Variants in SLC45A3 observed in about 807,000 individuals in gnomAD.
SLC45A3 encodes prostate cancer associated protein 2.
SLC45A3 carries 17 observed loss-of-function variants against 35.3 expected under a neutral mutation model. The ratio of observed to expected loss-of-function variants is 0.48; its 90% CI spans 0.33 to 0.72. The LOEUF (loss-of-function observed/expected upper bound fraction) is 0.72. Ranked by LOEUF, SLC45A3 falls within the 30% of genes least tolerant of loss-of-function variation. SLC45A3 has a pLI of 0.02. For synonymous variants in SLC45A3, 288 were observed against 334.3 expected, an observed-to-expected ratio of 0.86 and a Z score of 1.51; for missense variants, 597 against 731.7, an observed-to-expected ratio of 0.82 and a Z score of 2.12.
At chr1:205,675,216 T>C (rs1277024300) in intron 1 of SLC45A3, among the ~76,000 whole-genome samples, 1 of 152,230 alleles carries the variant, frequency 6.6e-6, no homozygotes, top group East Asian at 1.9e-4. Flanking sequence ...GAGGGCCTTA[T>C]GACCTACTAT....
chr1:205,660,389 C>T (rs1670998152), intron 4 of SLC45A3, among the ~76,000 whole-genome samples: 1 of 152,174 alleles, frequency 6.6e-6, no homozygotes, highest in Non-Finnish European at 1.5e-5. Context: ...CAACCCCTGC[C>T]CTTGATGGCC....
intron 4 of SLC45A3, among the ~76,000 whole-genome samples, chr1:205,661,108 AG>A (rs1671014789): frequency 6.6e-6 from 1 of 152,182 alleles, no homozygotes; most frequent in East Asian, 1.9e-4. Flanking sequence ...TTTGTAGCTC[AG>A]TGAGGTCAGT....
At position 205,663,613 on chromosome 1, in the gene SLC45A3, C is replaced by G; in HGVS notation, c.178G>C (p.Gly60Arg). ...EKFMTMVLGI[G>R]PVLGLVCVPL... The stretch of plus-strand genomic sequence containing the variant: ...ACACAGACCAGGCCCAGCACTGGAC[C>G]AATGCCTGCAAGAAGGGAAGTAGTA... Residue 60 changes from glycine (G) to arginine (R), a missense_variant, in exon 3 of 5, where the codon GGT becomes CGT. Coordinates refer to ENST00000367145, the MANE Select transcript of SLC45A3 (RefSeq NM_033102.3). 1 of 1,568,362 alleles carries G rather than the reference C, an allele frequency of 6.4e-7. No individual in the cohort carries two copies. Among genetic ancestry groups the G allele is most frequent in the Non-Finnish European group, 8.6e-7 (1 of 1,159,770 alleles).
rs958147668 is a variant in SLC45A3 at position 205,658,124 on chromosome 1, C to T, written c.*1110G>A. ...TTGTGCTTCTGGTCCTGCAGTAGCTCCAAACAGGGTTGTGGAGCTGGTGGG... is the reference window on the plus strand; with the variant it reads ...TTGTGCTTCTGGTCCTGCAGTAGCTTCAAACAGGGTTGTGGAGCTGGTGGG... On this transcript the variant is annotated 3_prime_UTR_variant, in exon 5 of 5. Coordinates refer to ENST00000367145, the MANE Select transcript of SLC45A3 (RefSeq NM_033102.3). 3.1e-5 allele frequency: 7 copies of T among 223,724 alleles called. No homozygotes were observed. The highest frequency in any genetic ancestry group is 1.7e-4 in the African/African-American group (7 of 41,898). The allele number at this position is 223,724 out of a possible 1,614,324, so 13.9% of individuals were successfully genotyped here. A position where few individuals can be genotyped will look rare whatever the true frequency, so the allele number is the denominator to read the frequency against.
In SLC45A3 at chr1:205,662,083, G is replaced by T; in HGVS notation, c.1002C>A (p.Ile334=). The part of the protein sequence containing the change: ...GSLGLFLQCA[I]SLVFSLVMDR... The stretch of plus-strand genomic sequence containing the variant: ...CCATGACCAGAGAGAAGACCAGGGA[G>T]ATGGCGCACTGCAGGAACAGCCCCA... The change falls in exon 4 of 5, where the codon ATC becomes ATA. Residue 334 remains isoleucine, a synonymous_variant. Coordinates refer to ENST00000367145, the MANE Select transcript of SLC45A3 (RefSeq NM_033102.3). This position sits in a 1 kb window ranked among gnomAD's most constrained non-coding sequence, Gnocchi z 6.2. 1 of 1,614,046 alleles carries T rather than the reference G, an allele frequency of 6.2e-7. No homozygotes were observed. The highest frequency in any genetic ancestry group is 8.5e-7 in the Non-Finnish European group (1 of 1,180,014).
Position 205,666,025 on chromosome 1 carries a change from T to C in SLC45A3, c.-230-1139A>G, listed in dbSNP as rs757964742. On this transcript the variant is annotated intron_variant, in intron 1 of 4. Coordinates refer to ENST00000367145, the MANE Select transcript of SLC45A3 (RefSeq NM_033102.3). The surrounding 1 kb of genome is among the most constrained non-coding windows in gnomAD (Gnocchi z 4.1). Reference sequence around the variant, plus strand: ...GGTGAAACCCCATCTCTGCTAAAAATACAAAAATTAGCCAGGCATGGTGGC... The same window carrying C: ...GGTGAAACCCCATCTCTGCTAAAAACACAAAAATTAGCCAGGCATGGTGGC... Among the ~76,000 whole-genome samples the C allele has an allele frequency of 3.3e-5, 5 of 151,686 alleles. No homozygotes were observed. Among genetic ancestry groups the C allele is most frequent in the East Asian group, 1.9e-4 (1 of 5,170 alleles).
Position 205,659,585 on chromosome 1 carries a change from A to G in SLC45A3, c.1311T>C (p.Pro437=). The part of the protein sequence containing the change: ...LMTSFLPGPK[P]GAPFPNGHVG... Reference sequence around the variant, plus strand: ...CGTGTCCATTAGGGAAGGGAGCTCCAGGCTTAGGGCCTGGCAGGAAGCTGG... The same window carrying G: ...CGTGTCCATTAGGGAAGGGAGCTCCGGGCTTAGGGCCTGGCAGGAAGCTGG... The change falls in exon 5 of 5, where the codon CCT becomes CCC. Residue 437 remains proline, a synonymous_variant. Transcript: ENST00000367145. The surrounding 1 kb of genome is among the most constrained non-coding windows in gnomAD (Gnocchi z 5.8). 1 of 1,583,880 alleles carries G rather than the reference A, an allele frequency of 6.3e-7. No individual in the cohort carries two copies. Among genetic ancestry groups the G allele is most frequent in the Admixed American group, 1.8e-5 (1 of 56,242 alleles).
In SLC45A3 at chr1:205,664,739, C is replaced by T. The variant is rs147344397; in HGVS notation, c.-83G>A. 28,503 of 1,534,004 alleles carry T rather than the reference C, an allele frequency of 0.019. 331 individuals carry two copies. Among genetic ancestry groups the T allele is most frequent in the Middle Eastern group, 0.022 (93 of 4,204 alleles). ...CTCGGCTCTGCTCCAGAAGCTGCGG[C>T]CTCTCCTCCTTGCTGCCGCCAACTG... On this transcript the variant is annotated 5_prime_UTR_variant, in exon 2 of 5. Transcript: ENST00000367145. This position sits in a 1 kb window ranked among gnomAD's most constrained non-coding sequence, Gnocchi z 5.3.
Position 205,662,497 on chromosome 1 carries a change from G to C in SLC45A3, c.958+336C>G. On this transcript the variant is annotated intron_variant, in intron 3 of 4. Coordinates refer to ENST00000367145, the MANE Select transcript of SLC45A3 (RefSeq NM_033102.3). This position sits in a 1 kb window ranked among gnomAD's most constrained non-coding sequence, Gnocchi z 6.2. ...GAGATTATTTGGAAAGTCGTTGGGGGAGCAGAGGGCACACTGCGGCTGGAA... is the reference window on the plus strand; with the variant it reads ...GAGATTATTTGGAAAGTCGTTGGGGCAGCAGAGGGCACACTGCGGCTGGAA... 1 of 1,287,378 alleles carries C rather than the reference G, an allele frequency of 7.8e-7. No individual in the cohort carries two copies. The highest frequency in any genetic ancestry group is 9.8e-7 in the Non-Finnish European group (1 of 1,018,220). The allele number at this position is 1,287,378 out of a possible 1,614,324, so 79.7% of individuals were successfully genotyped here. A position where few individuals can be genotyped will look rare whatever the true frequency, so the allele number is the denominator to read the frequency against.
At position 205,664,475 on chromosome 1, in the gene SLC45A3, AG is replaced by A; in HGVS notation, c.172+9del. 1 of 1,613,670 alleles carries A rather than the reference AG, an allele frequency of 6.2e-7. No individual in the cohort carries two copies. Among genetic ancestry groups the A allele is most frequent in the African/African-American group, 1.3e-5 (1 of 75,046 alleles). On this transcript the variant is annotated intron_variant, in intron 2 of 4. Transcript: ENST00000367145. The surrounding 1 kb of genome is among the most constrained non-coding windows in gnomAD (Gnocchi z 5.3). The stretch of plus-strand genomic sequence containing the variant: ...CTGGAACAGGAAGGAAGGAGGATGT[AG>A]TGACTCACCCAGCACCATGGTCATG...
rs1363885686 is a variant in SLC45A3, at chr1:205,659,457, G to T, written c.1439C>A (p.Ala480Asp). The T allele has an allele frequency of 6.2e-7, 1 of 1,614,094 alleles. No homozygotes were observed. The highest frequency in any genetic ancestry group is 8.5e-7 in the Non-Finnish European group (1 of 1,179,994). The change falls in exon 5 of 5, where the codon GCC (alanine) becomes GAC (aspartate). Residue 480 changes from alanine to aspartate, a missense_variant. By Grantham distance (126) the Ala-to-Asp change is moderately radical. Transcript: ENST00000367145. This position sits in a 1 kb window ranked among gnomAD's most constrained non-coding sequence, Gnocchi z 5.8. ...GATGCCCCGGCCCGGAACCACCCTG[G>T]CCTCGGTGGGCTCACCCACCACCAC... ...VRVVVGEPTE[A>D]RVVPGRGICL...
chr1:205,659,488 C>T lies in SLC45A3; in HGVS notation c.1408G>A (p.Val470Ile), dbSNP rs137949511. 12,835 of 1,613,828 alleles carry T rather than the reference C, an allele frequency of 8.0e-3. 74 individuals are homozygous for T. The highest frequency in any genetic ancestry group is 0.013 in the Middle Eastern group (81 of 6,062). Residue 470 changes from valine (V) to isoleucine (I), a missense_variant, in exon 5 of 5, where the codon GTA (valine) becomes ATA (isoleucine). By Grantham distance (29) the Val-to-Ile change is conservative. Coordinates refer to ENST00000367145, the MANE Select transcript of SLC45A3 (RefSeq NM_033102.3). This position sits in a 1 kb window ranked among gnomAD's most constrained non-coding sequence, Gnocchi z 5.8. Reference sequence around the variant, plus strand: ...GTGGGCTCACCCACCACCACACGTACGGAGACATCACAGGCAGAGGCCCCG... The same window carrying T: ...GTGGGCTCACCCACCACCACACGTATGGAGACATCACAGGCAGAGGCCCCG... ...LCGASACDVSVRVVVGEPTEA... is the reference protein window; with the variant it reads ...LCGASACDVSIRVVVGEPTEA...
intron 1 of SLC45A3, among the ~76,000 whole-genome samples, chr1:205,672,414 C>T (rs550462218): frequency 2.0e-5 from 3 of 152,154 alleles, no homozygotes; most frequent in African/African-American, 7.2e-5. Flanking sequence ...TGAGACAGCA[C>T]GATTTCCATC....
At chr1:205,673,539 A>G (rs1671252172) in intron 1 of SLC45A3, among the ~76,000 whole-genome samples, 1 of 152,202 alleles carries the variant, frequency 6.6e-6, no homozygotes, top group Admixed American at 6.5e-5. Flanking sequence ...GGTATACAGG[A>G]AAGAGGCCAG....
chr1:205,662,774 G>A lies in SLC45A3; in HGVS notation c.958+59C>T, dbSNP rs551181713. 7.9e-5 allele frequency: 120 copies of A among 1,518,948 alleles called. No individual in the cohort carries two copies. Among genetic ancestry groups the A allele is most frequent in the Middle Eastern group, 5.0e-4 (2 of 4,012 alleles). The allele number at this position is 1,518,948 out of a possible 1,614,324, so 94.1% of individuals were successfully genotyped here. ...GAGGCACCAGCCCAGACACAGCCCCGAGTGTCGTCTCTGGTGGGCGGCTCC... is the reference window on the plus strand; with the variant it reads ...GAGGCACCAGCCCAGACACAGCCCCAAGTGTCGTCTCTGGTGGGCGGCTCC... On this transcript the variant is annotated intron_variant, in intron 3 of 4. Coordinates refer to ENST00000367145, the MANE Select transcript of SLC45A3 (RefSeq NM_033102.3). This position sits in a 1 kb window ranked among gnomAD's most constrained non-coding sequence, Gnocchi z 6.2.
chr1:205,660,835 A>G (rs1202005537), intron 4 of SLC45A3, among the ~76,000 whole-genome samples: 1 of 152,156 alleles, frequency 6.6e-6, no homozygotes, highest in African/African-American at 2.4e-5. Context: ...GAAGGTTATC[A>G]GTGGGCTAAC....
In SLC45A3 at chr1:205,661,987, G is replaced by C. The variant is rs557022570; in HGVS notation, c.1098C>G (p.Ala366=). 1 of 1,613,978 alleles carries C rather than the reference G, an allele frequency of 6.2e-7. No individual in the cohort carries two copies. The highest frequency in any genetic ancestry group is 1.1e-5 in the South Asian group (1 of 91,086). Residue 366 remains alanine (A), a synonymous_variant, in exon 4 of 5, where the codon GCC becomes GCG. Coordinates refer to ENST00000367145, the MANE Select transcript of SLC45A3 (RefSeq NM_033102.3). ...CACTGTGGGACAGGCATGTGGCACC[G>C]GCAGCCACAGGGAAAGCTGCCACAC... ...LASVAAFPVA[A]GATCLSHSVA...
chr1:205,679,466 T>G (rs1671364107), intron 1 of SLC45A3, among the ~76,000 whole-genome samples: 1 of 152,040 alleles, frequency 6.6e-6, no homozygotes, highest in Non-Finnish European at 1.5e-5. Context: ...TGACCCGCAC[T>G]AGGGAGAAAG....
At chr1:205,679,448 G>A (rs1671363838) in intron 1 of SLC45A3, among the ~76,000 whole-genome samples, 1 of 152,144 alleles carries the variant, frequency 6.6e-6, no homozygotes. Flanking sequence ...GAAGACTACA[G>A]GAAGGCCTGA....
Sources: allele counts gnomAD v4.1 joint callset (sites outside exome capture counted in the v4.1 genomes callset), GRCh38; gene constraint gnomAD v4.1.1; non-coding constraint Gnocchi (gnomAD v3.1); transcripts MANE v1.5; gene names NCBI Gene and HGNC (gene_info 2026-07-23, HGNC 2026-07-21).